TYW1: variants seen among roughly 807,000 people sequenced by gnomAD.
TYW1 encodes the protein S-adenosyl-L-methionine-dependent tRNA 4-demethylwyosine synthase TYW1.
In TYW1, 46 loss-of-function variants were observed where a neutral mutation model predicts 96.2. The ratio of observed to expected loss-of-function variants is 0.48; its 90% confidence interval spans 0.38 to 0.61. The LOEUF (loss-of-function observed/expected upper bound fraction) is 0.61. Among genes scored for constraint, TYW1 ranks in the 20% least tolerant of loss-of-function variants. The pLI is 0.00. For missense variants in TYW1, 684 were observed against 909.6 expected (o/e 0.75, Z 3.19); for synonymous variants, 274 against 323.0 (o/e 0.85, Z 1.63).
At chr7:67,178,444 T>A (rs985374244) in intron 13 of TYW1, among the ~76,000 whole-genome samples, 2 of 152,232 alleles carry the variant, frequency 1.3e-5, no homozygotes, top group Non-Finnish European at 2.9e-5. Flanking sequence ...TATGTCACAG[T>A]AGCATTTTAT....
intron 11 of TYW1, among the ~76,000 whole-genome samples, chr7:67,090,722 C>T (rs1427576187): frequency 1.3e-5 from 2 of 152,024 alleles, no homozygotes; most frequent in African/African-American, 2.4e-5. Context: ...GTGTGAGTGT[C>T]AGATAATGGG....
intron 7 of TYW1, among the ~76,000 whole-genome samples, chr7:67,035,742 C>G (rs1243018795): frequency 6.6e-6 from 1 of 152,088 alleles, no homozygotes; most frequent in Non-Finnish European, 1.5e-5. Context: ...ACAGTGGCGC[C>G]ATCTCGCTGA....
At chr7:67,020,267 C>T (rs1794201783) in intron 6 of TYW1, among the ~76,000 whole-genome samples, 1 of 152,250 alleles carries the variant, frequency 6.6e-6, no homozygotes. Context: ...CTGTAAATCC[C>T]TGCTACTCAG....
At chr7:67,147,221 GC>G (rs1409665995) in intron 13 of TYW1, among the ~76,000 whole-genome samples, 1 of 152,060 alleles carries the variant, frequency 6.6e-6, no homozygotes, top group Non-Finnish European at 1.5e-5. Flanking sequence ...AGACTACCTA[GC>G]GTTTACATTG....
chr7:67,016,345 C>G (rs796539911), intron 5 of TYW1, among the ~76,000 whole-genome samples: 3 of 151,232 alleles, frequency 2.0e-5, no homozygotes, highest in African/African-American at 4.9e-5. Context: ...GTCGGGAGTT[C>G]GACCCCAGCC....
At chr7:67,003,524 A>G (rs1196817209) in intron 3 of TYW1, among the ~76,000 whole-genome samples, 1 of 151,310 alleles carries the variant, frequency 6.6e-6, no homozygotes, top group Non-Finnish European at 1.5e-5. Flanking sequence ...GCATGTATTC[A>G]GGGAAGTAAA....
At chr7:67,206,111 C>T (rs1046886130) in intron 15 of TYW1, among the ~76,000 whole-genome samples, 1 of 152,160 alleles carries the variant, frequency 6.6e-6, no homozygotes, top group African/African-American at 2.4e-5. Flanking sequence ...ACAGTAATGC[C>T]AATCCAGATG....
At chr7:67,213,288 C>T (rs1294247492) in intron 15 of TYW1, among the ~76,000 whole-genome samples, 1 of 152,134 alleles carries the variant, frequency 6.6e-6, no homozygotes, top group Non-Finnish European at 1.5e-5. Context: ...CCACCTCACT[C>T]TCTTAAGTAG....
intron 7 of TYW1, among the ~76,000 whole-genome samples, chr7:67,029,200 G>A (rs62466623): frequency 0.3 from 45,516 of 150,620 alleles, 7,165 homozygotes; most frequent in East Asian, 0.53. Flanking sequence ...GGGTTTCACC[G>A]TGGTCTTGAT....
chr7:67,033,840 G>A (rs1425727062), intron 7 of TYW1, among the ~76,000 whole-genome samples: 3 of 151,524 alleles, frequency 2.0e-5, no homozygotes, highest in South Asian at 2.1e-4. Flanking sequence ...GATTACAGGC[G>A]CCTGCAACCA....
intron 9 of TYW1, among the ~76,000 whole-genome samples, chr7:67,064,514 C>T (rs56243158): frequency 0.33 from 50,263 of 152,080 alleles, 8,755 homozygotes; most frequent in African/African-American, 0.44. Flanking sequence ...ATTGGACTTA[C>T]AGTTTCACAT....
At chr7:67,142,352 C>G (rs1471837821) in intron 13 of TYW1, among the ~76,000 whole-genome samples, 2 of 152,140 alleles carry the variant, frequency 1.3e-5, no homozygotes, top group Non-Finnish European at 2.9e-5. Flanking sequence ...GGTTTTCCTA[C>G]CTTGGCCTCC....
At chr7:67,206,781 G>A (rs4718479) in intron 15 of TYW1, among the ~76,000 whole-genome samples, 58,675 of 151,666 alleles carry the variant, frequency 0.39, 12,191 homozygotes, top group African/African-American at 0.54. Context: ...CATAACCGAG[G>A]GCAGATATCA....
chr7:67,032,720 C>T (rs1310788732), intron 7 of TYW1, among the ~76,000 whole-genome samples: 1 of 152,056 alleles, frequency 6.6e-6, no homozygotes, highest in Non-Finnish European at 1.5e-5. Context: ...AGTTGACTCT[C>T]TTTCCAGGGA....
chr7:67,067,207 CT>C, intron 9 of TYW1, 77 bp from the exon 10 acceptor site: 1 of 1,465,508 alleles, frequency 6.8e-7, no homozygotes, highest in Non-Finnish European at 9.6e-7. Flanking sequence ...CATGGTTTCT[CT>C]TAAAAATGAT....
At chr7:67,184,717 T>C (rs200233653) in intron 14 of TYW1, among the ~76,000 whole-genome samples, 15 of 144,676 alleles carry the variant, frequency 1.0e-4, no homozygotes, top group East Asian at 1.0e-3. Context: ...TGTTATGTTA[T>C]GGTTTTTTGA....
intron 13 of TYW1, among the ~76,000 whole-genome samples, chr7:67,132,546 AT>A (rs889587676): frequency 1.4e-4 from 21 of 152,030 alleles, no homozygotes; most frequent in Admixed American, 2.6e-4. Flanking sequence ...ATTTTTGACC[AT>A]TTTTTTAAAA....
At chr7:67,227,597 A>G (rs11761580) in intron 15 of TYW1, among the ~76,000 whole-genome samples, 39,453 of 150,172 alleles carry the variant, frequency 0.26, 5,506 homozygotes, top group African/African-American at 0.35. Flanking sequence ...GGTTTCATAT[A>G]GTTGGGGCTT....
intron 15 of TYW1, among the ~76,000 whole-genome samples, chr7:67,201,715 C>G (rs997931442): frequency 1.3e-5 from 2 of 152,076 alleles, no homozygotes; most frequent in Non-Finnish European, 2.9e-5. Flanking sequence ...CAGAGTGAGA[C>G]AGATGGTCAA....
Sources: gnomAD v4.1 joint callset for allele counts (sites outside exome capture counted in the v4.1 genomes callset) on GRCh38, gnomAD v4.1.1 for gene constraint, MANE v1.5 for transcripts, NCBI Gene and HGNC (gene_info 2026-07-23, HGNC 2026-07-21) for gene names.